SLC7A7: variants seen among roughly 807,000 people sequenced by gnomAD.
SLC7A7 encodes the protein Y+L amino acid transporter 1.
A neutral mutation model predicts 47.9 loss-of-function variants in SLC7A7; 39 were observed. That is an observed-to-expected ratio of 0.81 (90% CI 0.63 to 1.06). The LOEUF (loss-of-function observed/expected upper bound fraction) is 1.06. Ranked by LOEUF, SLC7A7 falls within the 50% of genes least tolerant of loss-of-function variation. The probability of loss-of-function intolerance (pLI) is 0.00; values close to 1 mark genes in which losing one functional copy is unlikely to be tolerated. For synonymous variants in SLC7A7, 234 were observed against 242.8 expected, an observed-to-expected ratio of 0.96 and a Z score of 0.34; for missense variants, 588 against 632.0, an observed-to-expected ratio of 0.93 and a Z score of 0.75.
chr14:22,776,142 T>C, intron 5 of SLC7A7, 53 bp downstream of exon 5: 2 of 1,613,042 alleles, frequency 1.2e-6, no homozygotes, highest in Non-Finnish European at 1.7e-6. Flanking sequence ...AGCCAGAATA[T>C]ACCCAGTACC....
chr14:22,785,799 G>T (rs2038802996), intron 2 of SLC7A7, among the ~76,000 whole-genome samples: 2 of 151,764 alleles, frequency 1.3e-5, no homozygotes, highest in South Asian at 4.2e-4. Context: ...GAGGCAGGCG[G>T]ATCATGAGGT....
intron 3 of SLC7A7, among the ~76,000 whole-genome samples, chr14:22,779,465 T>TG (rs1566443164): frequency 2.4e-4 from 26 of 109,180 alleles, no homozygotes; most frequent in Admixed American, 7.0e-4. Context: ...TTTTTTTTTT[T>TG]TGGGGGGGGG....
Position 22,778,932 on chromosome 14 carries a change from A to C in SLC7A7, c.631T>G (p.Ser211Ala), listed in dbSNP as rs2139395120. The part of the protein sequence containing the change: ...AGIVRLGQGA[S>A]THFENSFEGS... ...TCAAAGGAATTCTCAAAATGAGTAGAGGCTCCTGGAACCCAAGAACATTGG... is the reference window on the plus strand; with the variant it reads ...TCAAAGGAATTCTCAAAATGAGTAGCGGCTCCTGGAACCCAAGAACATTGG... The change falls in exon 4 of 10, where the codon TCT becomes GCT. Residue 211 changes from serine (S) to alanine (A), a missense_variant. Ser to Ala is a moderately conservative substitution (Grantham distance 99). Coordinates refer to ENST00000674313, the MANE Select transcript of SLC7A7 (RefSeq NM_003982.4). 1 of 1,613,958 alleles carries C rather than the reference A, an allele frequency of 6.2e-7. No homozygotes were observed. Among genetic ancestry groups the C allele is most frequent in the Admixed American group, 1.7e-5 (1 of 59,998 alleles).
chr14:22,784,778 G>T (rs1307837053), intron 2 of SLC7A7, among the ~76,000 whole-genome samples: 1 of 152,138 alleles, frequency 6.6e-6, no homozygotes, highest in African/African-American at 2.4e-5. Context: ...ACCAGACCAG[G>T]TGGATCCAGA....
intron 2 of SLC7A7, among the ~76,000 whole-genome samples, chr14:22,806,554 T>C (rs1290781934): frequency 6.6e-6 from 1 of 151,940 alleles, no homozygotes; most frequent in Non-Finnish European, 1.5e-5. Context: ...TCAGCCCACC[T>C]TCCCTATTTT....
upstream of SLC7A7, among the ~76,000 whole-genome samples, chr14:22,818,425 G>A (rs1376350773): frequency 6.6e-6 from 1 of 151,926 alleles, no homozygotes; most frequent in African/African-American, 2.4e-5. Context: ...TAGCACCCTG[G>A]ACAAGAAGGC....
rs1459950013 is a variant in SLC7A7 at position 22,774,022 on chromosome 14, A to G, written c.1340T>C (p.Ile447Thr). 17 of 1,614,092 alleles carry G rather than the reference A, an allele frequency of 1.1e-5. No homozygotes were observed. The highest frequency in any genetic ancestry group is 2.7e-5 in the African/African-American group (2 of 74,936). Residue 447 changes from isoleucine to threonine, a missense_variant, in exon 9 of 10, where the codon ATT becomes ACT. Transcript: ENST00000674313. ...YSDTINSLIG[I>T]AIALSGLPFY... ...GGGCAGGCCTGAGAGGGCAATGGCA[A>G]TGCCGATGAGGGAGTTGATAGTATC...
chr14:22,814,446 T>C (rs1266325818), intron 1 of SLC7A7, among the ~76,000 whole-genome samples: 6 of 151,474 alleles, frequency 4.0e-5, no homozygotes, highest in Admixed American at 2.6e-4. Context: ...ACTGGGCCAT[T>C]GCACTCCAGC....
intron 2 of SLC7A7, among the ~76,000 whole-genome samples, chr14:22,808,124 A>C (rs1212676208): frequency 6.6e-6 from 1 of 151,690 alleles, no homozygotes; most frequent in South Asian, 2.1e-4. Context: ...AGATCACACC[A>C]CTGCACTCCA....
intron 2 of SLC7A7, among the ~76,000 whole-genome samples, chr14:22,795,448 TATTCTTTTC>T (rs2039004870): frequency 1.7e-5 from 1 of 57,302 alleles, no homozygotes; most frequent in Non-Finnish European, 3.3e-5. Flanking sequence ...CTTTCTTTTC[TATTCTTTTC>T]TTTTCTTTTC....
intron 2 of SLC7A7, 180 bp from the exon 3 acceptor site, chr14:22,780,231 C>G (rs2038694953): frequency 4.6e-6 from 3 of 658,952 alleles, no homozygotes; most frequent in Non-Finnish European, 7.8e-6. Flanking sequence ...CATTATCATA[C>G]AAAGGCCTCT....
intron 2 of SLC7A7, among the ~76,000 whole-genome samples, chr14:22,782,398 C>T (rs1048695900): frequency 2.1e-5 from 3 of 145,562 alleles, no homozygotes; most frequent in Admixed American, 7.1e-5. Context: ...CCACCGCGCC[C>T]GGCCTATATT....
At chr14:22,800,947 GA>G (rs201408201) in intron 2 of SLC7A7, among the ~76,000 whole-genome samples, 1 of 151,062 alleles carries the variant, frequency 6.6e-6, no homozygotes, top group African/African-American at 2.4e-5. Flanking sequence ...CTCAAAAAAA[GA>G]AAAAAAAGAA....
rs2038559455 is a variant in SLC7A7 at position 22,774,616 on chromosome 14, T to C, written c.1096-113A>G. 26 of 1,410,692 alleles carry C rather than the reference T, an allele frequency of 1.8e-5. 1 individual carries two copies. Among genetic ancestry groups the C allele is most frequent in the Non-Finnish European group, 2.6e-5 (26 of 1,003,316 alleles). 87.4% of individuals were successfully genotyped at this position (1,410,692 alleles called of 1,614,324 possible). On this transcript the variant is annotated intron_variant, in intron 7 of 9. Transcript: ENST00000674313. ...CCTGTCAATCCTCAAAGTCTCCTGG[T>C]CCTCTTCTGGTTTTAATCCCTTTAA...
At chr14:22,801,205 C>T (rs2039107161) in intron 2 of SLC7A7, among the ~76,000 whole-genome samples, 2 of 152,116 alleles carry the variant, frequency 1.3e-5, no homozygotes, top group South Asian at 4.1e-4. Context: ...CTCTATTTAC[C>T]TCTGCAAGCC....
intron 2 of SLC7A7, among the ~76,000 whole-genome samples, chr14:22,806,150 C>A (rs1408128870): frequency 1.5e-5 from 2 of 131,324 alleles, no homozygotes; most frequent in Non-Finnish European, 1.6e-5. Flanking sequence ...ACTGTACATA[C>A]ATCAGTAAAC....
Position 22,774,034 on chromosome 14 carries a change from G to C in SLC7A7, c.1328C>G (p.Ser443Cys), listed in dbSNP as rs2038538906. 1.2e-6 allele frequency: 2 copies of C among 1,614,036 alleles called. No homozygotes were observed. Among genetic ancestry groups the C allele is most frequent in the Non-Finnish European group, 1.7e-6 (2 of 1,180,034 alleles). Residue 443 changes from serine (S) to cysteine (C), a missense_variant, in exon 9 of 10, where the codon TCC becomes TGC. By Grantham distance (112) the Ser-to-Cys change is moderately radical (BLOSUM62 -1). Coordinates refer to ENST00000674313, the MANE Select transcript of SLC7A7 (RefSeq NM_003982.4). ...GAGGGCAATGGCAATGCCGATGAGG[G>C]AGTTGATAGTATCACTGTAAAGTGG... ...AVPLYSDTIN[S>C]LIGIAIALSG...
At chr14:22,816,219 C>T (rs900372262), upstream of SLC7A7, 4 of 157,472 alleles carry the variant, frequency 2.5e-5, no homozygotes, top group East Asian at 5.6e-4. Flanking sequence ...AGGCCAGACG[C>T]GGTGGCTCAC....
intron 2 of SLC7A7, among the ~76,000 whole-genome samples, chr14:22,791,587 T>C (rs1233854227): frequency 1.3e-5 from 2 of 152,136 alleles, no homozygotes; most frequent in Non-Finnish European, 2.9e-5. Flanking sequence ...GGTCTGTGTA[T>C]AGTCAGATGC....
Sources: allele counts gnomAD v4.1 joint callset (sites outside exome capture counted in the v4.1 genomes callset), GRCh38; gene constraint gnomAD v4.1.1; transcripts MANE v1.5; gene names NCBI Gene and HGNC (gene_info 2026-07-23, HGNC 2026-07-21).